CFAP300: variants seen among roughly 807,000 people sequenced by gnomAD.
CFAP300 encodes the protein cilia- and flagella-associated protein 300.
In CFAP300, 32 loss-of-function variants were observed where a neutral mutation model predicts 33.0. That is an observed-to-expected ratio of 0.97 (90% CI 0.73 to 1.30). The LOEUF is 1.30. CFAP300 is among the 50% of genes most tolerant of loss of function. The pLI is 0.00. For synonymous variants in CFAP300, 102 were observed against 106.8 expected, an observed-to-expected ratio of 0.95 and a Z score of 0.28; for missense variants, 356 against 318.1, an observed-to-expected ratio of 1.12 and a Z score of -0.90.
chr11:102,059,313 GTGTGTGTGTA>G (rs1942107764), intron 3 of CFAP300, among the ~76,000 whole-genome samples: 1 of 149,670 alleles, frequency 6.7e-6, no homozygotes, highest in Admixed American at 6.7e-5. Flanking sequence ...GTGTGTGTGT[GTGTGTGTGTA>G]TGTACTAATA....
At chr11:102,047,960 G>C (rs1349898883) in intron 2 of CFAP300, 64 bp downstream of exon 2, 43 of 1,505,352 alleles carry the variant, frequency 2.9e-5, no homozygotes, top group Non-Finnish European at 3.8e-5. Context: ...CCCCAAGTTG[G>C]CATAGATTCT....
intron 2 of CFAP300, among the ~76,000 whole-genome samples, chr11:102,056,305 C>T (rs1203785474): frequency 6.6e-6 from 1 of 152,114 alleles, no homozygotes; most frequent in Admixed American, 6.5e-5. Flanking sequence ...AAATCTTATC[C>T]ACTGGTGGTT....
chr11:102,083,099 C>CA lies in CFAP300; in HGVS notation c.707dup (p.Asn237GlufsTer3). 6.5e-7 allele frequency: 1 copy of CA among 1,526,776 alleles called. No homozygotes were observed. Among genetic ancestry groups the CA allele is most frequent in the South Asian group, 1.4e-5 (1 of 73,974 alleles). The allele number at this position is 1,526,776 out of a possible 1,614,324, so 94.6% of individuals were successfully genotyped here. Reference sequence around the variant, plus strand: ...TCTGCTGGTATGTGCTATCCTTCAGCAAAGAATCATGAACAGACATTTTCT... The same window carrying CA: ...TCTGCTGGTATGTGCTATCCTTCAGCAAAAGAATCATGAACAGACATTTTCT... On this transcript the variant is annotated frameshift_variant, in exon 7 of 7. Coordinates refer to ENST00000434758, the MANE Select transcript of CFAP300 (RefSeq NM_032930.3). LOFTEE classifies it high-confidence loss of function.
intron 2 of CFAP300, among the ~76,000 whole-genome samples, chr11:102,050,945 T>A (rs1207311853): frequency 6.6e-6 from 1 of 152,096 alleles, no homozygotes; most frequent in African/African-American, 2.4e-5. Flanking sequence ...TAGGACTGAG[T>A]CAGGAAGTAA....
chr11:102,055,050 A>C (rs1260511527), intron 2 of CFAP300, among the ~76,000 whole-genome samples: 2 of 149,430 alleles, frequency 1.3e-5, no homozygotes, highest in African/African-American at 4.9e-5. Flanking sequence ...GTGCGATCTC[A>C]GCTCACTGCA....
intron 3 of CFAP300, among the ~76,000 whole-genome samples, chr11:102,059,281 A>ATG (rs55657614): frequency 0.023 from 3,456 of 148,594 alleles, 31 homozygotes; most frequent in Middle Eastern, 0.045. Context: ...ATATGTTAAA[A>ATG]TGTGTGTGTG....
At chr11:102,052,622 C>T (rs1365880376) in intron 2 of CFAP300, among the ~76,000 whole-genome samples, 3 of 152,306 alleles carry the variant, frequency 2.0e-5, no homozygotes, top group African/African-American at 7.2e-5. Context: ...TAATCCTCAG[C>T]TCACATCTCT....
chr11:102,047,689 C>T, intron 1 of CFAP300, 109 bp downstream of exon 1: 1 of 1,439,780 alleles, frequency 6.9e-7, no homozygotes, highest in Non-Finnish European at 9.4e-7. Context: ...CTGAGTGAAC[C>T]CTGAGGCTTC....
intron 4 of CFAP300, among the ~76,000 whole-genome samples, chr11:102,074,309 C>A (rs1412057626): frequency 6.6e-6 from 1 of 152,114 alleles, no homozygotes; most frequent in African/African-American, 2.4e-5. Context: ...TCTCTGGGCC[C>A]ATGAGGGTTG....
intron 4 of CFAP300, among the ~76,000 whole-genome samples, chr11:102,073,304 G>A (rs1942340748): frequency 6.6e-6 from 1 of 152,178 alleles, no homozygotes; most frequent in South Asian, 2.1e-4. Flanking sequence ...AGGCCCCCAG[G>A]GAGCAAGTAT....
chr11:102,059,919 G>T (rs531888320), intron 3 of CFAP300, among the ~76,000 whole-genome samples: 41 of 151,306 alleles, frequency 2.7e-4, no homozygotes, highest in African/African-American at 9.5e-4. Context: ...CCCAGTAACT[G>T]GGATTACAGT....
In CFAP300 at chr11:102,083,243, T is replaced by G. The variant is rs1304002720; in HGVS notation, c.*44T>G. The G allele has an allele frequency of 7.6e-7, 1 of 1,316,848 alleles. No individual in the cohort carries two copies. Among genetic ancestry groups the G allele is most frequent in the Non-Finnish European group, 9.9e-7 (1 of 1,005,982 alleles). The allele number at this position is 1,316,848 out of a possible 1,614,324, so 81.6% of individuals were successfully genotyped here. ...ACCTCTACTATTTTGTATTTATCAT[T>G]TTTCTATCTTAATACTAACTTATAG... On this transcript the variant is annotated 3_prime_UTR_variant, in exon 7 of 7. Transcript: ENST00000434758.
rs984105919 is a variant in CFAP300, at chr11:102,063,754, G to C, written c.269-2731G>C. ...GAATCACTTGAGCCCAGGAAGTTGAGGCCACAATGAGCCATGATCACATCA... is the reference window on the plus strand; with the variant it reads ...GAATCACTTGAGCCCAGGAAGTTGACGCCACAATGAGCCATGATCACATCA... On this transcript the variant is annotated intron_variant, in intron 3 of 6. Transcript: ENST00000434758. Among the ~76,000 whole-genome samples the C allele has an allele frequency of 2.1e-4, 32 of 152,138 alleles. 1 individual carries two copies. The highest frequency in any genetic ancestry group is 2.0e-3 in the Admixed American group (31 of 15,262).
At chr11:102,080,001 G>T (rs1253987350) in intron 5 of CFAP300, among the ~76,000 whole-genome samples, 1 of 152,108 alleles carries the variant, frequency 6.6e-6, no homozygotes, top group Admixed American at 6.6e-5. Flanking sequence ...TATTTTGGAG[G>T]CAGGGTGCAG....
At position 102,047,839 on chromosome 11, in the gene CFAP300, G is replaced by A. The variant is rs1354950064; in HGVS notation, c.135G>A (p.Ala45=). The change falls in exon 2 of 7, where the codon GCG becomes GCA. Residue 45 remains alanine, a synonymous_variant. Transcript: ENST00000434758. ...RQWSMLGRIK[A]QAFGFDQTFQ... is the part of the protein sequence containing the mutation. ...GGTCCATGCTGGGCAGAATCAAGGC[G>A]CAGGCGTTCGGCTTTGACCAGACCT... is the stretch of plus-strand genomic sequence containing the variant. The A allele has an allele frequency of 6.2e-7, 1 of 1,614,182 alleles. No individual in the cohort carries two copies. Among genetic ancestry groups the A allele is most frequent in the Non-Finnish European group, 8.5e-7 (1 of 1,180,030 alleles).
At chr11:102,069,457 A>G (rs1341775374) in intron 4 of CFAP300, among the ~76,000 whole-genome samples, 3 of 152,140 alleles carry the variant, frequency 2.0e-5, no homozygotes, top group Non-Finnish European at 4.4e-5. Flanking sequence ...ATAGAATATT[A>G]TGTTTTCACA....
chr11:102,069,497 A>T (rs771449197), intron 4 of CFAP300, among the ~76,000 whole-genome samples: 18 of 152,180 alleles, frequency 1.2e-4, no homozygotes, highest in Non-Finnish European at 2.5e-4. Flanking sequence ...AAAAATTATT[A>T]TATTTTTTTA....
At chr11:102,078,595 T>C (rs1942432623) in intron 5 of CFAP300, among the ~76,000 whole-genome samples, 1 of 152,216 alleles carries the variant, frequency 6.6e-6, no homozygotes, top group Non-Finnish European at 1.5e-5. Context: ...TTTAAAGTAA[T>C]ACTAATGTAG....
chr11:102,066,659 C>T lies in CFAP300; in HGVS notation c.435+8C>T, dbSNP rs1215081656. Reference sequence around the variant, plus strand: ...TCTGATGAGTTACGAAGAGTAAGTACAGAATTTTAAAATTTCGCAGTGGAA... The same window carrying T: ...TCTGATGAGTTACGAAGAGTAAGTATAGAATTTTAAAATTTCGCAGTGGAA... On this transcript the variant is annotated splice_region_variant and intron_variant, in intron 4 of 6. Transcript: ENST00000434758. 4 of 1,582,780 alleles carry T rather than the reference C, an allele frequency of 2.5e-6. No individual in the cohort carries two copies. Among genetic ancestry groups the T allele is most frequent in the Non-Finnish European group, 3.4e-6 (4 of 1,172,430 alleles).
Sources: gnomAD v4.1 joint callset for allele counts (sites outside exome capture counted in the v4.1 genomes callset) on GRCh38, gnomAD v4.1.1 for gene constraint, MANE v1.5 for transcripts, NCBI Gene and HGNC (gene_info 2026-07-23, HGNC 2026-07-21) for gene names.